AIDA: variants seen among roughly 807,000 people sequenced by gnomAD.
AIDA encodes axin interactor, dorsalization associated.
A neutral mutation model predicts 42.7 loss-of-function variants in AIDA; 18 were observed. The ratio of observed to expected loss-of-function variants is 0.42; its 90% confidence interval spans 0.29 to 0.63. AIDA has a LOEUF of 0.63. Among genes scored for constraint, AIDA ranks in the 20% least tolerant of loss-of-function variants. The probability of loss-of-function intolerance (pLI) is 0.19; values close to 1 mark genes in which losing one functional copy is unlikely to be tolerated. For synonymous variants in AIDA, 104 were observed against 122.9 expected (o/e 0.85, Z 1.02); for missense variants, 250 against 354.1 (o/e 0.71, Z 2.36).
At chr1:222,695,525 C>T (rs1353741554) in intron 2 of AIDA, among the ~76,000 whole-genome samples, 1 of 152,038 alleles carries the variant, frequency 6.6e-6, no homozygotes, top group East Asian at 1.9e-4. Flanking sequence ...TAAAAGTATA[C>T]ATAGGTTGAA....
At chr1:222,685,677 G>T (rs967811326) in intron 6 of AIDA, among the ~76,000 whole-genome samples, 1 of 152,122 alleles carries the variant, frequency 6.6e-6, no homozygotes, top group Admixed American at 6.6e-5. Context: ...ATTGGGAGAG[G>T]CAAGAAATTT....
At chr1:222,674,716 C>T (rs1400572004) in intron 7 of AIDA, among the ~76,000 whole-genome samples, 3 of 152,198 alleles carry the variant, frequency 2.0e-5, no homozygotes, top group Non-Finnish European at 2.9e-5. Context: ...ACCCAGGAAT[C>T]TTCCAGTTTA....
chr1:222,689,469 A>ATGTGTGTGTGTGTGTGTG (rs770894575), intron 4 of AIDA, among the ~76,000 whole-genome samples: 3 of 61,298 alleles, frequency 4.9e-5, no homozygotes, highest in African/African-American at 2.3e-4. Context: ...GAAAATATGT[A>ATGTGTGTGTGTGTGTGTG]TGTGTGTGTG....
intron 1 of AIDA, among the ~76,000 whole-genome samples, chr1:222,709,871 T>G (rs768944491): frequency 6.6e-6 from 1 of 152,200 alleles, no homozygotes; most frequent in Admixed American, 6.5e-5. Context: ...CCTTAGTTGT[T>G]GAGTCATGAA....
chr1:222,691,965 TTTCA>T (rs1655385466), intron 4 of AIDA, among the ~76,000 whole-genome samples: 1 of 152,190 alleles, frequency 6.6e-6, no homozygotes, highest in African/African-American at 2.4e-5. Flanking sequence ...CATAATAACC[TTTCA>T]TTATTTTGTT....
intron 7 of AIDA, 57 bp from the exon 8 acceptor site, chr1:222,673,492 G>A (rs1664486092): frequency 3.5e-6 from 5 of 1,435,844 alleles, no homozygotes; most frequent in Non-Finnish European, 4.6e-6. Flanking sequence ...CTTAAAAACT[G>A]CAGGCCAGGC....
Position 222,690,491 on chromosome 1 carries a change from A to G in AIDA, c.290-2833T>C, listed in dbSNP as rs1241085625. ...ATTCATGGCATAAACTGGAAGACCT[A>G]AAAGGCTTCCATGATTTTGTACTCA... On this transcript the variant is annotated intron_variant, in intron 4 of 9. Transcript: ENST00000340020. Among the ~76,000 whole-genome samples the G allele has an allele frequency of 2.0e-5, 3 of 152,168 alleles. No homozygotes were observed. The East Asian group carries it at 5.8e-4, about 29-fold the overall frequency.
At chr1:222,688,495 A>G (rs1289789127) in intron 4 of AIDA, among the ~76,000 whole-genome samples, 1 of 152,214 alleles carries the variant, frequency 6.6e-6, no homozygotes, top group Non-Finnish European at 1.5e-5. Flanking sequence ...ACTGCCTAGT[A>G]TAAACTGTAC....
intron 8 of AIDA, among the ~76,000 whole-genome samples, chr1:222,671,603 A>G (rs926601324): frequency 3.9e-5 from 6 of 152,210 alleles, no homozygotes; most frequent in African/African-American, 1.4e-4. Flanking sequence ...GGGAGGAAAA[A>G]AAAACCAATT....
intron 7 of AIDA, among the ~76,000 whole-genome samples, chr1:222,674,061 T>C (rs958050098): frequency 8.5e-5 from 13 of 152,208 alleles, no homozygotes; most frequent in African/African-American, 2.9e-4. Flanking sequence ...CACTCCAGCC[T>C]GGGCAGTAAG....
In AIDA at chr1:222,711,910, A is replaced by G. The variant is rs1170774048; in HGVS notation, c.110+298T>C. On this transcript the variant is annotated intron_variant, in intron 1 of 9. Coordinates refer to ENST00000340020, the MANE Select transcript of AIDA (RefSeq NM_022831.4). ...GTGGGGGACCCGCGAGACGGTGGAA[A>G]GGAACTAAGCAGATAGCCTGCTGGG... 1.3e-5 allele frequency: 4 copies of G among 311,572 alleles called. No homozygotes were observed. The Admixed American group carries it at 1.5e-4, about 12-fold the overall frequency. The allele number at this position is 311,572 out of a possible 1,614,324, so 19.3% of individuals were successfully genotyped here.
At position 222,677,922 on chromosome 1, in the gene AIDA, A is replaced by T. The variant is rs115483794; in HGVS notation, c.461-1704T>A. Reference sequence around the variant, plus strand: ...GTGTATATGTAAGTATTTAAAAAAAAATTTTTTACACATTATTGGAGGTGT... The same window carrying T: ...GTGTATATGTAAGTATTTAAAAAAATATTTTTTACACATTATTGGAGGTGT... On this transcript the variant is annotated intron_variant, in intron 6 of 9. Transcript: ENST00000340020. 4.8e-3 allele frequency among the ~76,000 whole-genome samples: 735 copies of T among 152,262 alleles called. 5 individuals carry two copies. Among genetic ancestry groups the T allele is most frequent in the African/African-American group, 0.017 (690 of 41,550 alleles).
At chr1:222,700,979 G>GA (rs939590949) in intron 2 of AIDA, among the ~76,000 whole-genome samples, 1 of 145,586 alleles carries the variant, frequency 6.9e-6, no homozygotes, top group African/African-American at 2.6e-5. Flanking sequence ...TTTGGGGGGG[G>GA]GGGGACAGGG....
chr1:222,687,158 G>T, intron 5 of AIDA, 122 bp from the exon 6 acceptor site: 1 of 1,460,728 alleles, frequency 6.8e-7, no homozygotes, highest in Non-Finnish European at 9.2e-7. Context: ...GGCCGGGTGT[G>T]GTGGCTCATG....
In AIDA at chr1:222,707,438, C is replaced by T. The variant is rs111599676; in HGVS notation, c.111-4221G>A. ...CCTCCCAAAGTGCTGGGATTACAGG[C>T]GTGAGCCACCGCACCCAGCCATAAA... is the stretch of plus-strand genomic sequence containing the variant. On this transcript the variant is annotated intron_variant, in intron 1 of 9. Transcript: ENST00000340020. 6.8e-3 allele frequency among the ~76,000 whole-genome samples: 1,038 copies of T among 152,180 alleles called. 12 individuals are homozygous for T. Among genetic ancestry groups the T allele is most frequent in the African/African-American group, 0.024 (985 of 41,516 alleles).
chr1:222,700,925 T>C (rs2124966777), intron 2 of AIDA, among the ~76,000 whole-genome samples: 1 of 142,462 alleles, frequency 7.0e-6, no homozygotes, highest in East Asian at 2.3e-4. Context: ...TAATTTTTTC[T>C]CATCAGTCTA....
chr1:222,689,528 TACAC>T (rs531432390), intron 4 of AIDA, among the ~76,000 whole-genome samples: 5 of 76,428 alleles, frequency 6.5e-5, no homozygotes, highest in East Asian at 7.7e-4. Context: ...TATACACACA[TACAC>T]ACACACACAT....
At chr1:222,692,354 C>T (rs1655395895) in intron 4 of AIDA, among the ~76,000 whole-genome samples, 1 of 152,168 alleles carries the variant, frequency 6.6e-6, no homozygotes, top group South Asian at 2.1e-4. Context: ...CTCTGCACTC[C>T]TAGCCTGCTC....
chr1:222,699,546 C>T (rs1655623654), intron 2 of AIDA, among the ~76,000 whole-genome samples: 1 of 152,146 alleles, frequency 6.6e-6, no homozygotes, highest in African/African-American at 2.4e-5. Flanking sequence ...CATGTGCATA[C>T]TAAAGGTCCC....
Sources: allele counts gnomAD v4.1 joint callset (sites outside exome capture counted in the v4.1 genomes callset), GRCh38; gene constraint gnomAD v4.1.1; transcripts MANE v1.5; gene names NCBI Gene and HGNC (gene_info 2026-07-23, HGNC 2026-07-21).